Variants in RACGAP1 observed in about 807,000 individuals in gnomAD.
RACGAP1 encodes the protein Rac GTPase activating protein 1, also known as rac GTPase-activating protein 1.
Under a neutral mutation model 78.1 loss-of-function variants are expected in RACGAP1, and 30 were observed. That is an observed-to-expected ratio of 0.38 (90% CI 0.29 to 0.52). The LOEUF is 0.52. RACGAP1 is among the 20% of genes least tolerant of loss of function. The pLI is 0.82. For missense variants in RACGAP1, 587 were observed against 777.1 expected (o/e 0.76, Z 2.91); for synonymous variants, 231 against 264.8 (o/e 0.87, Z 1.24).
intron 6 of RACGAP1, 52 bp from the exon 7 acceptor site, chr12:50,001,304 C>T (rs1948662481): frequency 6.9e-7 from 1 of 1,439,800 alleles, no homozygotes; most frequent in Non-Finnish European, 9.7e-7. Context: ...ATCTGAAGCA[C>T]AGAAGATAAA....
At chr12:49,993,570 T>G (rs1222740856) in intron 12 of RACGAP1, among the ~76,000 whole-genome samples, 1 of 151,754 alleles carries the variant, frequency 6.6e-6, no homozygotes, top group Non-Finnish European at 1.5e-5. Flanking sequence ...GTAGATCACC[T>G]GAGGTCAGGA....
intron 9 of RACGAP1, among the ~76,000 whole-genome samples, chr12:49,998,061 A>C (rs73119651): frequency 0.091 from 13,912 of 152,284 alleles, 741 homozygotes; most frequent in South Asian, 0.15. Context: ...TCCCACTGGA[A>C]GGCAGCAGTG....
intron 2 of RACGAP1, among the ~76,000 whole-genome samples, chr12:50,009,715 T>C (rs1303925185): frequency 6.6e-6 from 1 of 152,182 alleles, no homozygotes; most frequent in Non-Finnish European, 1.5e-5. Flanking sequence ...TAATCAAACT[T>C]ACCTCCCACC....
intron 15 of RACGAP1, among the ~76,000 whole-genome samples, chr12:49,991,481 T>TATATATATATATATATATATA (rs1592124066): frequency 2.2e-4 from 2 of 9,194 alleles, no homozygotes; most frequent in Non-Finnish European, 5.0e-4. Context: ...ATATATATAT[T>TATATATATATATATATATATA]TTTTTTTTTT....
At chr12:49,999,587 A>AG (rs1167452998) in intron 8 of RACGAP1, 29 bp downstream of exon 8, 2 of 1,581,004 alleles carry the variant, frequency 1.3e-6, no homozygotes, top group African/African-American at 2.7e-5. Flanking sequence ...TGTTTTACAC[A>AG]GGCCAGTTTA....
upstream of RACGAP1, chr12:50,025,660 G>GTTTT (rs3830366): frequency 3.1e-5 from 17 of 543,156 alleles, no homozygotes; most frequent in Non-Finnish European, 3.8e-5. Flanking sequence ...CGGTTTTTCG[G>GTTTT]TTTTTTTTGT....
chr12:49,991,569 A>G (rs1947882204), intron 15 of RACGAP1, among the ~76,000 whole-genome samples: 1 of 140,804 alleles, frequency 7.1e-6, no homozygotes, highest in Non-Finnish European at 1.5e-5. Flanking sequence ...CTCACTGCAA[A>G]TTCCGCCTCC....
At chr12:50,015,819 T>TA (rs1358912896) in intron 2 of RACGAP1, among the ~76,000 whole-genome samples, 2 of 148,818 alleles carry the variant, frequency 1.3e-5, no homozygotes, top group Non-Finnish European at 3.0e-5. Flanking sequence ...AAAAAAAAAT[T>TA]AAAAAAATTT....
chr12:50,018,325 A>G (rs1280188990), intron 1 of RACGAP1, among the ~76,000 whole-genome samples: 2 of 152,234 alleles, frequency 1.3e-5, no homozygotes, highest in East Asian at 3.8e-4. Flanking sequence ...CAAGATTTTC[A>G]AACGGCAAGT....
intron 1 of RACGAP1, among the ~76,000 whole-genome samples, chr12:50,021,721 T>C (rs1168868190): frequency 6.6e-6 from 1 of 152,164 alleles, no homozygotes; most frequent in East Asian, 1.9e-4. Flanking sequence ...CAGGAAAGTG[T>C]TTTAATGAAA....
In RACGAP1 at chr12:50,018,613, A is replaced by G. The variant is rs948633532; in HGVS notation, c.-4-1894T>C. On this transcript the variant is annotated intron_variant, in intron 1 of 16. Coordinates refer to ENST00000312377, the MANE Select transcript of RACGAP1 (RefSeq NM_001319999.2). Reference sequence around the variant, plus strand: ...TCCTGAGGTAAAAATGGAAGACTCTAATCAGTAGTTTTAATATAAGGTATT... The same window carrying G: ...TCCTGAGGTAAAAATGGAAGACTCTGATCAGTAGTTTTAATATAAGGTATT... The G allele has an allele frequency of 5.7e-6, 7 of 1,230,520 alleles. No individual in the cohort carries two copies. In the African/African-American group the frequency reaches 6.2e-5, roughly 11 times the overall value. 76.2% of individuals were successfully genotyped at this position (1,230,520 alleles called of 1,614,324 possible).
intron 1 of RACGAP1, among the ~76,000 whole-genome samples, chr12:50,023,537 C>G (rs1420080452): frequency 1.3e-5 from 2 of 152,024 alleles, no homozygotes; most frequent in Non-Finnish European, 2.9e-5. Flanking sequence ...AGTTCAAGAC[C>G]AGCCTGGCCA....
chr12:50,026,198 ACT>A (rs1237448396), upstream of RACGAP1, among the ~76,000 whole-genome samples: 2 of 152,104 alleles, frequency 1.3e-5, no homozygotes, highest in Non-Finnish European at 2.9e-5. Flanking sequence ...GGTAATGAAA[ACT>A]CTGCTCATCC....
intron 2 of RACGAP1, among the ~76,000 whole-genome samples, chr12:50,008,169 G>GAAAAAAAAA (rs71441313): frequency 1.6e-5 from 1 of 60,678 alleles, no homozygotes; most frequent in Admixed American, 2.2e-4. Flanking sequence ...TGAGAAATGT[G>GAAAAAAAAA]AAAAAAAAAA....
chr12:50,003,659 G>C (rs1948814438), intron 5 of RACGAP1, among the ~76,000 whole-genome samples: 1 of 152,212 alleles, frequency 6.6e-6, no homozygotes, highest in African/African-American at 2.4e-5. Flanking sequence ...TTATGCAGAA[G>C]CATCACTGTA....
chr12:49,996,979 C>G (rs1183396823), intron 10 of RACGAP1, 61 bp downstream of exon 10: 2 of 1,402,242 alleles, frequency 1.4e-6, no homozygotes, highest in Non-Finnish European at 1.9e-6. Flanking sequence ...AAAACTGACA[C>G]TAAGCCTTTG....
At chr12:50,031,552 G>T in intron 2 of RACGAP1, 1 of 282,130 alleles carries the variant, frequency 3.5e-6, no homozygotes, top group Non-Finnish European at 5.3e-6. Flanking sequence ...CGCCCTTCTA[G>T]CTGCACTGCC....
chr12:50,016,883 T>C (rs1949714441), intron 1 of RACGAP1, 164 bp from the exon 2 acceptor site: 1 of 1,375,524 alleles, frequency 7.3e-7, no homozygotes, highest in Admixed American at 3.3e-5. Context: ...ATTCTTATTA[T>C]AAAAACAAAC....
At chr12:50,025,568 C>T, upstream of RACGAP1, 1 of 983,036 alleles carries the variant, frequency 1.0e-6, no homozygotes, top group Non-Finnish European at 1.2e-6. Context: ...GCGTCAGGGC[C>T]ACGCGGAGGT....
Sources: allele counts gnomAD v4.1 joint callset (sites outside exome capture counted in the v4.1 genomes callset), GRCh38; gene constraint gnomAD v4.1.1; transcripts MANE v1.5; gene names NCBI Gene and HGNC (gene_info 2026-07-23, HGNC 2026-07-21).